PABPC4L: variants seen among roughly 807,000 people sequenced by gnomAD.
PABPC4L encodes the protein poly(A) binding protein cytoplasmic 4 like.
For missense variants in PABPC4L, 452 were observed against 451.4 expected (o/e 1.00, Z -0.01); for synonymous variants, 169 against 164.1 (o/e 1.03, Z -0.23).
chr4:134,185,907 G>A, the PABPC4L span, among the ~76,000 whole-genome samples: 1 of 151,996 alleles, frequency 6.6e-6, no homozygotes, highest in Non-Finnish European at 1.5e-5. Context: ...CAAACAGAGG[G>A]CCAAATCATG....
At chr4:134,002,271 C>T in the PABPC4L span, among the ~76,000 whole-genome samples, 1 of 151,696 alleles carries the variant, frequency 6.6e-6, no homozygotes, top group African/African-American at 2.4e-5. Context: ...ATTTGGCATT[C>T]ACCAAATTTA....
the PABPC4L span, among the ~76,000 whole-genome samples, chr4:133,949,829 G>A: frequency 5.3e-5 from 8 of 152,094 alleles, no homozygotes; most frequent in African/African-American, 1.9e-4. Context: ...TAGAGGATAT[G>A]GCCAGTATAT....
At chr4:134,183,967 T>C in the PABPC4L span, among the ~76,000 whole-genome samples, 2 of 151,506 alleles carry the variant, frequency 1.3e-5, no homozygotes, top group African/African-American at 2.4e-5. Context: ...TTGAGTGCGA[T>C]TGTAGAACTT....
the PABPC4L span, among the ~76,000 whole-genome samples, chr4:134,024,185 C>A: frequency 1.3e-5 from 2 of 152,056 alleles, no homozygotes; most frequent in Admixed American, 1.3e-4. Flanking sequence ...GGTTTGAATT[C>A]TTTCAGTTCT....
the PABPC4L span, among the ~76,000 whole-genome samples, chr4:134,025,581 G>T: frequency 6.6e-6 from 1 of 152,128 alleles, no homozygotes; most frequent in East Asian, 1.9e-4. Context: ...TCAGTAATAT[G>T]CATACAAGGA....
chr4:134,173,271 T>C, the PABPC4L span, among the ~76,000 whole-genome samples: 1 of 151,888 alleles, frequency 6.6e-6, no homozygotes, highest in Non-Finnish European at 1.5e-5. Context: ...AAAGAGATAT[T>C]TGCACTGCCA....
chr4:133,993,693 T>G, the PABPC4L span, among the ~76,000 whole-genome samples: 1 of 152,274 alleles, frequency 6.6e-6, no homozygotes, highest in South Asian at 2.1e-4. Flanking sequence ...TGAAAAGGTT[T>G]AGTTAAGTTT....
chr4:134,129,702 A>T, the PABPC4L span, among the ~76,000 whole-genome samples: 1 of 152,054 alleles, frequency 6.6e-6, no homozygotes, highest in Non-Finnish European at 1.5e-5. Context: ...AATAGTGACA[A>T]AACCTATCAA....
chr4:134,201,187 C>A lies in PABPC4L; in HGVS notation c.-168G>T. 1 of 1,547,404 alleles carries A rather than the reference C, an allele frequency of 6.5e-7. No individual in the cohort carries two copies. ...CACGACTCCCCCAGCTCAGGCAACA[C>A]CCTCATCCAAAAGTCCCCACAGCCA... On this transcript the variant is annotated 5_prime_UTR_variant, in exon 2 of 2. Coordinates refer to ENST00000421491, the MANE Select transcript of PABPC4L (RefSeq NM_001114734.2).
chr4:134,128,461 A>G, the PABPC4L span, among the ~76,000 whole-genome samples: 1 of 152,222 alleles, frequency 6.6e-6, no homozygotes, highest in Non-Finnish European at 1.5e-5. Context: ...ATTTCTCAGC[A>G]GAAACCCTAC....
At chr4:134,192,984 T>G (rs1197604374), downstream of PABPC4L, among the ~76,000 whole-genome samples, 1 of 152,100 alleles carries the variant, frequency 6.6e-6, no homozygotes, top group Non-Finnish European at 1.5e-5. Context: ...TGCTTAAAAT[T>G]TCTGCAATTT....
At chr4:134,184,931 T>C in the PABPC4L span, among the ~76,000 whole-genome samples, 1 of 152,016 alleles carries the variant, frequency 6.6e-6, no homozygotes, top group African/African-American at 2.4e-5. Flanking sequence ...TTTGTGAGTC[T>C]CTACTTACAG....
At chr4:134,133,773 G>T in the PABPC4L span, among the ~76,000 whole-genome samples, 5 of 151,712 alleles carry the variant, frequency 3.3e-5, no homozygotes, top group African/African-American at 7.3e-5. Context: ...GACCACTAAA[G>T]AACTTATTCA....
chr4:134,101,634 A>C, the PABPC4L span, among the ~76,000 whole-genome samples: 2 of 151,504 alleles, frequency 1.3e-5, no homozygotes, highest in African/African-American at 4.8e-5. Flanking sequence ...TTCTTTTTAT[A>C]CAGCTGTGGG....
chr4:134,137,870 A>T, the PABPC4L span, among the ~76,000 whole-genome samples: 3 of 151,810 alleles, frequency 2.0e-5, no homozygotes, highest in African/African-American at 7.2e-5. Flanking sequence ...TTCTCTAATT[A>T]TAAAATATTA....
At chr4:133,965,812 A>C in the PABPC4L span, among the ~76,000 whole-genome samples, 1 of 152,168 alleles carries the variant, frequency 6.6e-6, no homozygotes, top group East Asian at 1.9e-4. Flanking sequence ...CCTTAAACAA[A>C]AATCAACTCA....
the PABPC4L span, among the ~76,000 whole-genome samples, chr4:133,984,155 A>G: frequency 6.6e-6 from 1 of 151,886 alleles, no homozygotes; most frequent in Non-Finnish European, 1.5e-5. Flanking sequence ...GTCAAAGAAT[A>G]TTTGTTTGTG....
At chr4:134,109,993 A>G in the PABPC4L span, among the ~76,000 whole-genome samples, 2 of 152,082 alleles carry the variant, frequency 1.3e-5, no homozygotes, top group Non-Finnish European at 2.9e-5. Context: ...CCTGTACCTA[A>G]CAATGCAATT....
the PABPC4L span, among the ~76,000 whole-genome samples, chr4:134,011,625 TTCTC>T: frequency 1.3e-5 from 2 of 152,164 alleles, no homozygotes; most frequent in East Asian, 3.8e-4. Context: ...GATTATTTTA[TTCTC>T]TCTTTTTTTG....
Sources: allele counts gnomAD v4.1 joint callset (sites outside exome capture counted in the v4.1 genomes callset), GRCh38; gene constraint gnomAD v4.1.1; transcripts MANE v1.5; gene names NCBI Gene and HGNC (gene_info 2026-07-23, HGNC 2026-07-21).